Variants in MYH7 observed in about 807,000 individuals in gnomAD.
MYH7 encodes the protein myosin heavy chain 7, also known as myosin-7.
A neutral mutation model predicts 225.4 loss-of-function variants in MYH7; 129 were observed. The observed-to-expected ratio is 0.57, with a 90% CI of 0.50 to 0.66. MYH7 has a LOEUF of 0.66. Ranked by LOEUF, MYH7 falls within the 30% of genes least tolerant of loss-of-function variation. The pLI is 0.00. For missense variants in MYH7, 1,649 were observed against 2,517.0 expected (o/e 0.66, Z 7.38); for synonymous variants, 971 against 1,007.6 (o/e 0.96, Z 0.69).
chr14:23,426,853 G>T lies in MYH7; in HGVS notation c.1968C>A (p.Asn656Lys). Reference sequence around the variant, plus strand: ...TGGAGCGCAAGTTGGTCATCAGCTTGTTCAGATTTTCCTGTGGCCAAAAAT... The same window carrying T: ...TGGAGCGCAAGTTGGTCATCAGCTTTTTCAGATTTTCCTGTGGCCAAAAAT... Reference protein sequence around the residue: ...TVSALHRENLNKLMTNLRSTH... With the variant: ...TVSALHRENLKKLMTNLRSTH... Residue 656 changes from asparagine (N) to lysine (K), a missense_variant, in exon 18 of 40, where the codon AAC (asparagine) becomes AAA (lysine). Asn to Lys is a moderately conservative substitution (Grantham distance 94, BLOSUM62 0). This residue lies in a region of MYH7 where 112 missense variants were observed against 161.9 expected (regional missense o/e 0.69). Coordinates refer to ENST00000355349, the MANE Select transcript of MYH7 (RefSeq NM_000257.4). 6.2e-7 allele frequency: 1 copy of T among 1,614,094 alleles called. No individual in the cohort carries two copies. The highest frequency in any genetic ancestry group is 8.5e-7 in the Non-Finnish European group (1 of 1,180,014).
In MYH7 at chr14:23,433,797, T is replaced by A. The variant is rs893946187; in HGVS notation, c.-8-57A>T. ...TCTGCCCATTCTTCCCTTCCCTCCC[T>A]GGGCTCTCCCCTTCAGTGGGAGCCC... On this transcript the variant is annotated intron_variant, in intron 2 of 39. Transcript: ENST00000355349. The surrounding 1 kb of genome is among the most constrained non-coding windows in gnomAD (Gnocchi z 4.1). 19 of 1,565,794 alleles carry A rather than the reference T, an allele frequency of 1.2e-5. No homozygotes were observed. Among genetic ancestry groups the A allele is most frequent in the Non-Finnish European group, 1.6e-5 (18 of 1,142,968 alleles).
rs1017551641 is a variant in MYH7, at chr14:23,417,141, C to A, written c.4519+12G>T. 5 of 1,614,030 alleles carry A rather than the reference C, an allele frequency of 3.1e-6. No homozygotes were observed. Among genetic ancestry groups the A allele is most frequent in the Admixed American group, 1.7e-5 (1 of 60,000 alleles). Reference sequence around the variant, plus strand: ...TGCAGCCCCTCCCCAGCCTCTTGGGCCCCCAGCACACCCTGCAGGTTTTTG... The same window carrying A: ...TGCAGCCCCTCCCCAGCCTCTTGGGACCCCAGCACACCCTGCAGGTTTTTG... On this transcript the variant is annotated intron_variant, in intron 32 of 39. Transcript: ENST00000355349.
chr14:23,423,228 C>G (rs1892550123), intron 24 of MYH7, among the ~76,000 whole-genome samples: 1 of 152,062 alleles, frequency 6.6e-6, no homozygotes, highest in African/African-American at 2.4e-5. Context: ...AGATGACCCT[C>G]TAAATCTTGT....
In MYH7 at chr14:23,415,775, T is replaced by C. The variant is rs1456418703; in HGVS notation, c.5011A>G (p.Ile1671Val). The part of the protein sequence containing the change: ...VRANDDLKEN[I>V]AIVERRNNLL... Reference sequence around the variant, plus strand: ...TTGTTGCGCCGCTCCACGATGGCGATGTTCTCCTTCAGGTCGTCGTTGGCA... The same window carrying C: ...TTGTTGCGCCGCTCCACGATGGCGACGTTCTCCTTCAGGTCGTCGTTGGCA... The change falls in exon 35 of 40, where the codon ATC (isoleucine) becomes GTC (valine). Residue 1671 changes from isoleucine to valine, a missense_variant. By Grantham distance (29) the Ile-to-Val change is conservative. Coordinates refer to ENST00000355349, the MANE Select transcript of MYH7 (RefSeq NM_000257.4). This position sits in a 1 kb window ranked among gnomAD's most constrained non-coding sequence, Gnocchi z 6.3. 7.4e-6 allele frequency: 12 copies of C among 1,614,096 alleles called. No individual in the cohort carries two copies. The highest frequency in any genetic ancestry group is 9.3e-6 in the Non-Finnish European group (11 of 1,180,054).
chr14:23,425,203 T>G lies in MYH7; in HGVS notation c.2423+79A>C. The G allele has an allele frequency of 6.2e-7, 1 of 1,612,164 alleles. No individual in the cohort carries two copies. Among genetic ancestry groups the G allele is most frequent in the Non-Finnish European group, 8.5e-7 (1 of 1,178,640 alleles). ...CAGGTCTCTGTGTTTGAAGATCTGC[T>G]GAGCTTTTTTTCCTGACACTGCCCC... is the stretch of plus-strand genomic sequence containing the variant. On this transcript the variant is annotated intron_variant, in intron 21 of 39. Transcript: ENST00000355349. This position sits in a 1 kb window ranked among gnomAD's most constrained non-coding sequence, Gnocchi z 4.6.
intron 24 of MYH7, among the ~76,000 whole-genome samples, chr14:23,422,597 CTCCTTTCTTTCTCTCCT>C (rs1211532832): frequency 6.7e-4 from 68 of 101,942 alleles, no homozygotes; most frequent in African/African-American, 4.2e-3. Context: ...CTTTCTTTCT[CTCCTTTCTTTCTCTCCT>C]TCCTTCCTTC....
chr14:23,419,295 C>G lies in MYH7; in HGVS notation c.3854G>C (p.Gly1285Ala). The G allele has an allele frequency of 6.2e-7, 1 of 1,614,122 alleles. No homozygotes were observed. Among genetic ancestry groups the G allele is most frequent in the African/African-American group, 1.3e-5 (1 of 75,022 alleles). The part of the protein sequence containing the change: ...SQRAKLQTEN[G>A]ELSRQLDEKE... ...CTCATCCAGCTGCCGGGACAGCTCACCTGGGGAAGCACCATTCTAGATCAG... is the reference window on the plus strand; with the variant it reads ...CTCATCCAGCTGCCGGGACAGCTCAGCTGGGGAAGCACCATTCTAGATCAG... The change falls in exon 29 of 40, where the codon GGT becomes GCT. Residue 1285 changes from glycine to alanine, a missense_variant and splice_region_variant. Gly to Ala is a moderately conservative substitution (Grantham distance 60). This residue lies in a region of MYH7 where 687 missense variants were observed against 913.8 expected (regional missense o/e 0.75). Transcript: ENST00000355349.
chr14:23,415,124 C>T lies in MYH7; in HGVS notation c.5430G>A (p.Lys1810=), dbSNP rs777802652. The T allele has an allele frequency of 6.2e-7, 1 of 1,614,168 alleles. No individual in the cohort carries two copies. The highest frequency in any genetic ancestry group is 8.5e-7 in the Non-Finnish European group (1 of 1,180,052). Residue 1810 remains lysine (K), a synonymous_variant, in exon 37 of 40, where the codon AAG becomes AAA. Transcript: ENST00000355349. The surrounding 1 kb of genome is among the most constrained non-coding windows in gnomAD (Gnocchi z 6.3). ...CCCGCGCTTCCAGCTTCTGCAGCTG[C>T]TTCTTGCCGCCCTTGAGGGCGATCT... ...AEQIALKGGK[K]QLQKLEARVR...
chr14:23,417,984 A>G (rs1221425048), intron 30 of MYH7: 1 of 904,458 alleles, frequency 1.1e-6, no homozygotes, highest in African/African-American at 1.6e-5. Context: ...AGACGGAAGC[A>G]CTCTGCCCTC....
At position 23,420,092 on chromosome 14, in the gene MYH7, T is replaced by C. The variant is rs1376667533; in HGVS notation, c.3479A>G (p.Gln1160Arg). Residue 1160 changes from glutamine to arginine, a missense_variant, in exon 27 of 40, where the codon CAG becomes CGG. Physicochemically the swap from Gln to Arg is conservative, Grantham distance 43. Around this residue, in one of 12 missense-constraint regions of MYH7, gnomAD observed 106 missense variants for 198.8 expected, o/e 0.53. Transcript: ENST00000355349. ...LEEAGGATSV[Q>R]IEMNKKREAE... ...CTCGCGCTTCTTGTTCATCTCGATC[T>C]GCACGGACGTGGCCCCGCCGGCCTC... The C allele has an allele frequency of 4.4e-6, 7 of 1,600,986 alleles. No homozygotes were observed. The highest frequency in any genetic ancestry group is 6.0e-6 in the Non-Finnish European group (7 of 1,174,300).
rs1595074732 is a variant in MYH7 at position 23,417,212 on chromosome 14, G to A, written c.4460C>T (p.Ala1487Val). 1 of 1,614,136 alleles carries A rather than the reference G, an allele frequency of 6.2e-7. No individual in the cohort carries two copies. Among genetic ancestry groups the A allele is most frequent in the Middle Eastern group, 1.6e-4 (1 of 6,062 alleles). The change falls in exon 32 of 40, where the codon GCC (alanine) becomes GTC (valine). Residue 1487 changes from alanine to valine, a missense_variant. Ala to Val is a moderately conservative substitution (Grantham distance 64, BLOSUM62 0). This residue lies in a region of MYH7 where 687 missense variants were observed against 913.8 expected (regional missense o/e 0.75). Coordinates refer to ENST00000355349, the MANE Select transcript of MYH7 (RefSeq NM_000257.4). ...CAGATGTTCCAGGGACTCCTCATAG[G>A]CGTTCTTGAGTTTGAAGAGCTCTGT... ...LSTELFKLKN[A>V]YEESLEHLET... is the part of the protein sequence containing the mutation.
chr14:23,421,783 G>A, intron 25 of MYH7: 2 of 985,402 alleles, frequency 2.0e-6, no homozygotes, highest in Non-Finnish European at 2.4e-6. Flanking sequence ...TAATGTGAGG[G>A]CATTTCTTGG....
chr14:23,418,002 C>T (rs772133598), intron 30 of MYH7: 1 of 960,708 alleles, frequency 1.0e-6, no homozygotes, highest in Non-Finnish European at 1.7e-6. Context: ...CTCAGACAAA[C>T]CTTTTGTTCG....
Position 23,425,469 on chromosome 14 carries a change from G to C in MYH7, c.2287-51C>G. 1.9e-6 allele frequency: 3 copies of C among 1,613,470 alleles called. No individual in the cohort carries two copies. In the South Asian group the frequency reaches 3.3e-5, roughly 18 times the overall value. ...TGACTAGGGAGGGGTACGAGGGAAA[G>C]AGATGGTGGGGATTACCTTAGGAAG... On this transcript the variant is annotated intron_variant, in intron 20 of 39. Transcript: ENST00000355349. This position sits in a 1 kb window ranked among gnomAD's most constrained non-coding sequence, Gnocchi z 4.6.
intron 23 of MYH7, 23 bp from the exon 24 acceptor site, chr14:23,423,746 C>T (rs1300258017): frequency 1.9e-6 from 3 of 1,613,968 alleles, no homozygotes; most frequent in African/African-American, 1.3e-5. Context: ...AATCCCATCT[C>T]CTTTAGGGTC....
At chr14:23,413,927 C>A in intron 38 of MYH7, 34 bp from the exon 39 acceptor site, 1 of 1,614,192 alleles carries the variant, frequency 6.2e-7, no homozygotes, top group Non-Finnish European at 8.5e-7. Context: ...TGAGAGGGGG[C>A]CTGGGTTCTC....
intron 22 of MYH7, 148 bp downstream of exon 22, chr14:23,424,621 G>A (rs1478014916): frequency 7.5e-7 from 1 of 1,327,254 alleles, no homozygotes; most frequent in African/African-American, 1.5e-5. Flanking sequence ...CCTCCTGAGG[G>A]ACCTCTTTGG....
rs910371952 is a variant in MYH7, at chr14:23,433,441, C to G, written c.201+91G>C. The G allele has an allele frequency of 1.9e-5, 28 of 1,503,954 alleles. No individual in the cohort carries two copies. Among genetic ancestry groups the G allele is most frequent in the Middle Eastern group, 2.2e-4 (1 of 4,592 alleles). 93.2% of individuals were successfully genotyped at this position (1,503,954 alleles called of 1,614,324 possible). Reference sequence around the variant, plus strand: ...AAGGAGAATGGGACCATCCTCAGGTCTGCATGGGCATGGGGCATGGGTGTA... The same window carrying G: ...AAGGAGAATGGGACCATCCTCAGGTGTGCATGGGCATGGGGCATGGGTGTA... On this transcript the variant is annotated intron_variant, in intron 3 of 39. Transcript: ENST00000355349. This position sits in a 1 kb window ranked among gnomAD's most constrained non-coding sequence, Gnocchi z 4.1.
chr14:23,418,359 G>A lies in MYH7; in HGVS notation c.4020C>T (p.Cys1340=), dbSNP rs374499515. The A allele has an allele frequency of 5.6e-6, 9 of 1,613,622 alleles. No individual in the cohort carries two copies. The highest frequency in any genetic ancestry group is 4.4e-5 in the South Asian group (4 of 91,070). Reference sequence around the variant, plus strand: ...CCTCGTACTGCTCCCGCAGCAGGTCGCAGTCATGCCGGGCCGACTGCAGTG... The same window carrying A: ...CCTCGTACTGCTCCCGCAGCAGGTCACAGTCATGCCGGGCCGACTGCAGTG... ...AHALQSARHD[C]DLLREQYEEE... The change falls in exon 30 of 40, where the codon TGC becomes TGT. Residue 1340 remains cysteine (C), a synonymous_variant. Coordinates refer to ENST00000355349, the MANE Select transcript of MYH7 (RefSeq NM_000257.4).
Sources: allele counts gnomAD v4.1 joint callset (sites outside exome capture counted in the v4.1 genomes callset), GRCh38; gene constraint gnomAD v4.1.1; regional missense constraint gnomAD v4.1.1; non-coding constraint Gnocchi (gnomAD v3.1); transcripts MANE v1.5; gene names NCBI Gene and HGNC (gene_info 2026-07-23, HGNC 2026-07-21).